The following ASAP1 variants were observed in gnomAD, a reference collection of about 807,000 sequenced individuals.
ASAP1 encodes ArfGAP with SH3 domain, ankyrin repeat and PH domain 1, also known as arf-GAP with SH3 domain, ANK repeat and PH domain-containing protein 1.
ASAP1 carries 43 observed loss-of-function variants against 145.2 expected under a neutral mutation model. The observed-to-expected ratio is 0.30, with a 90% CI of 0.23 to 0.38. The LOEUF is 0.38. ASAP1 is among the 10% of genes least tolerant of loss of function. ASAP1 has a pLI of 1.00. For synonymous variants in ASAP1, 546 were observed against 515.5 expected (o/e 1.06, Z -0.80); for missense variants, 1,018 against 1,355.3 (o/e 0.75, Z 3.91).
At chr8:130,339,442 G>T (rs528803032) in intron 3 of ASAP1, among the ~76,000 whole-genome samples, 2 of 152,068 alleles carry the variant, frequency 1.3e-5, no homozygotes. Flanking sequence ...ACATCGATGC[G>T]GTCAGGGAGG....
At chr8:130,260,299 C>T (rs1357039786) in intron 3 of ASAP1, among the ~76,000 whole-genome samples, 1 of 152,106 alleles carries the variant, frequency 6.6e-6, no homozygotes, top group African/African-American at 2.4e-5. Context: ...GATTGTTGGG[C>T]TACTAGACCA....
At chr8:130,322,413 G>A (rs574326293) in intron 3 of ASAP1, among the ~76,000 whole-genome samples, 36 of 152,224 alleles carry the variant, frequency 2.4e-4, no homozygotes, top group Non-Finnish European at 3.7e-4. Flanking sequence ...TTGAGTCCCC[G>A]CTGTCTCCTA....
At chr8:130,096,635 T>C (rs2097518390) in intron 24 of ASAP1, among the ~76,000 whole-genome samples, 1 of 152,146 alleles carries the variant, frequency 6.6e-6, no homozygotes, top group Non-Finnish European at 1.5e-5. Flanking sequence ...GGAAGTAGAG[T>C]ACACCTCATT....
intron 1 of ASAP1, among the ~76,000 whole-genome samples, chr8:130,406,160 G>A (rs866196462): frequency 6.6e-6 from 1 of 152,142 alleles, no homozygotes. Context: ...TTAGAAGCAG[G>A]GAACTACCCT....
At chr8:130,144,891 G>T (rs897846139) in intron 13 of ASAP1, among the ~76,000 whole-genome samples, 1 of 152,092 alleles carries the variant, frequency 6.6e-6, no homozygotes, top group African/African-American at 2.4e-5. Flanking sequence ...ATGTGAGAAA[G>T]AAATATTTGA....
chr8:130,303,835 C>CAGTAACAG (rs1822822894), intron 3 of ASAP1, among the ~76,000 whole-genome samples: 1 of 152,106 alleles, frequency 6.6e-6, no homozygotes, highest in Admixed American at 6.5e-5. Context: ...TACTCTGATA[C>CAGTAACAG]AGTAACAGAG....
chr8:130,239,316 T>C (rs1818390405), intron 3 of ASAP1, among the ~76,000 whole-genome samples: 1 of 152,128 alleles, frequency 6.6e-6, no homozygotes, highest in African/African-American at 2.4e-5. Context: ...GAAAGCATGC[T>C]AAGAGGTTTA....
chr8:130,078,421 T>C (rs899409146), intron 26 of ASAP1, among the ~76,000 whole-genome samples: 1 of 152,050 alleles, frequency 6.6e-6, no homozygotes, highest in African/African-American at 2.4e-5. Context: ...CAGCCTCCCG[T>C]ATAGCCAGGT....
At position 130,401,846 on chromosome 8, in the gene ASAP1, G is replaced by A. The variant is rs370614651; in HGVS notation, c.59+39C>T. Reference sequence around the variant, plus strand: ...AGAAGAATCCCGCTGTATCTCCCACGCCGAGTTTTCTGGACAGGATGGGCT... The same window carrying A: ...AGAAGAATCCCGCTGTATCTCCCACACCGAGTTTTCTGGACAGGATGGGCT... On this transcript the variant is annotated intron_variant, in intron 2 of 29. Coordinates refer to ENST00000518721, the MANE Select transcript of ASAP1 (RefSeq NM_018482.4). 47 of 1,589,418 alleles carry A rather than the reference G, an allele frequency of 3.0e-5. No homozygotes were observed. In the African/African-American group the frequency reaches 3.0e-4, roughly 10 times the overall value.
chr8:130,333,902 G>A (rs560827420), intron 3 of ASAP1, among the ~76,000 whole-genome samples: 10 of 152,330 alleles, frequency 6.6e-5, no homozygotes, highest in South Asian at 2.1e-4. Flanking sequence ...AGGGAACCCC[G>A]TGAAGCCTCA....
At chr8:130,072,825 G>GTGTGCGTGTGCGCGCGCGCGTGCA in intron 27 of ASAP1, among the ~76,000 whole-genome samples, 1 of 54,116 alleles carries the variant, frequency 1.8e-5, no homozygotes, top group Non-Finnish European at 3.6e-5. Context: ...GTGTGTGTGT[G>GTGTGCGTGTGCGCGCGCGCGTGCA]CGCGCGGGGG....
At chr8:130,188,801 A>G (rs1814935532) in intron 5 of ASAP1, among the ~76,000 whole-genome samples, 1 of 151,970 alleles carries the variant, frequency 6.6e-6, no homozygotes, top group Non-Finnish European at 1.5e-5. Flanking sequence ...GTGTTCTTAA[A>G]CACTATACTA....
chr8:130,256,403 G>T (rs754979490), intron 3 of ASAP1, among the ~76,000 whole-genome samples: 4 of 151,422 alleles, frequency 2.6e-5, no homozygotes, highest in Admixed American at 2.0e-4. Flanking sequence ...AGAGGATCTG[G>T]GGGGTGGGGG....
At chr8:130,377,500 G>A (rs1319383445) in intron 2 of ASAP1, among the ~76,000 whole-genome samples, 2 of 152,180 alleles carry the variant, frequency 1.3e-5, no homozygotes, top group Non-Finnish European at 2.9e-5. Context: ...AGCGCCTCCT[G>A]CCTGCTGGCC....
intron 3 of ASAP1, among the ~76,000 whole-genome samples, chr8:130,246,782 A>T (rs1818879304): frequency 6.6e-6 from 1 of 152,088 alleles, no homozygotes; most frequent in Non-Finnish European, 1.5e-5. Flanking sequence ...TGTAAAGAGA[A>T]CTCAACCCAC....
At chr8:130,353,206 G>A (rs1255551173) in intron 3 of ASAP1, among the ~76,000 whole-genome samples, 2 of 152,134 alleles carry the variant, frequency 1.3e-5, no homozygotes, top group African/African-American at 4.8e-5. Context: ...AATACAATCT[G>A]GATAACCCCA....
chr8:130,260,521 T>A (rs1819829103), intron 3 of ASAP1, among the ~76,000 whole-genome samples: 1 of 152,226 alleles, frequency 6.6e-6, no homozygotes, highest in Admixed American at 6.5e-5. Context: ...GTTCAATGAC[T>A]TGCCTAAGTT....
At chr8:130,188,685 G>C (rs1360634235) in intron 5 of ASAP1, among the ~76,000 whole-genome samples, 4 of 88,336 alleles carry the variant, frequency 4.5e-5, no homozygotes, top group African/African-American at 1.6e-4. Flanking sequence ...AGTGAGCCGA[G>C]ATCACCACTG....
intron 9 of ASAP1, among the ~76,000 whole-genome samples, chr8:130,174,909 T>C (rs1326906826): frequency 6.6e-6 from 1 of 152,264 alleles, no homozygotes; most frequent in Non-Finnish European, 1.5e-5. Context: ...CTGATGGATA[T>C]CTGGGTGTTT....
Sources: allele counts gnomAD v4.1 joint callset (sites outside exome capture counted in the v4.1 genomes callset), GRCh38; gene constraint gnomAD v4.1.1; transcripts MANE v1.5; gene names NCBI Gene and HGNC (gene_info 2026-07-23, HGNC 2026-07-21).